Variants in SARS1 observed in about 807,000 individuals in gnomAD.
SARS1 encodes seryl-tRNA synthetase 1.
A neutral mutation model predicts 63.7 loss-of-function variants in SARS1; 25 were observed. The observed-to-expected ratio is 0.39, with a 90% CI of 0.29 to 0.55. The LOEUF (loss-of-function observed/expected upper bound fraction) is 0.55. Ranked by LOEUF, SARS1 falls within the 20% of genes least tolerant of loss-of-function variation. The pLI is 0.62. For synonymous variants in SARS1, 231 were observed against 243.5 expected (o/e 0.95, Z 0.48); for missense variants, 417 against 649.7 (o/e 0.64, Z 3.89).
Position 109,214,236 on chromosome 1 carries a change from C to T in SARS1, c.136+108C>T. The T allele has an allele frequency of 7.4e-7, 1 of 1,342,834 alleles. No homozygotes were observed. The highest frequency in any genetic ancestry group is 1.0e-6 in the Non-Finnish European group (1 of 988,890). 83.2% of individuals were successfully genotyped at this position (1,342,834 alleles called of 1,614,324 possible). A position where few individuals can be genotyped will look rare whatever the true frequency, so the allele number is the denominator to read the frequency against. ...CAGCTTCCACCCTTCGTCAGACCCC[C>T]TCCCAGGGTGCGGTGGCTCCGAGGT... On this transcript the variant is annotated intron_variant, in intron 1 of 10. Transcript: ENST00000234677. The surrounding 1 kb of genome is among the most constrained non-coding windows in gnomAD (Gnocchi z 4.6).
At chr1:109,216,790 T>C (rs1654799239) in intron 1 of SARS1, 1 of 473,508 alleles carries the variant, frequency 2.1e-6, no homozygotes, top group Non-Finnish European at 2.8e-6. Flanking sequence ...GCCTGGCTAA[T>C]GTGTGTATTT....
chr1:109,235,876 C>A lies in SARS1; in HGVS notation c.970-101C>A. 8.4e-7 allele frequency: 1 copy of A among 1,194,030 alleles called. No homozygotes were observed. The highest frequency in any genetic ancestry group is 1.2e-6 in the Non-Finnish European group (1 of 851,210). The allele number at this position is 1,194,030 out of a possible 1,614,324, so 74.0% of individuals were successfully genotyped here. ...TGGGGGCCCAGACTTGCCTGCCTCC[C>A]AGTGGTGTGGAAACAGGTCTTCATG... On this transcript the variant is annotated intron_variant, in intron 7 of 10. Transcript: ENST00000234677. The surrounding 1 kb of genome is among the most constrained non-coding windows in gnomAD (Gnocchi z 4.7).
chr1:109,234,516 A>C (rs1655271767), intron 6 of SARS1, among the ~76,000 whole-genome samples: 1 of 152,146 alleles, frequency 6.6e-6, no homozygotes, highest in South Asian at 2.1e-4. Context: ...CTAACCTGTA[A>C]GCACCAAGAA....
Position 109,229,547 on chromosome 1 carries a change from C to A in SARS1, c.422C>A (p.Pro141His), listed in dbSNP as rs1655161527. 5.6e-6 allele frequency: 9 copies of A among 1,613,206 alleles called. No individual in the cohort carries two copies. In the East Asian group the frequency reaches 2.0e-4, roughly 36 times the overall value. ...CGAGAGATTGGGAACCTTCTGCACC[C>A]TTCTGTACCCATCAGTAACGATGAG... ...NLREIGNLLHPSVPISNDEDV... is the reference protein window; with the variant it reads ...NLREIGNLLHHSVPISNDEDV... Residue 141 changes from proline to histidine, a missense_variant, in exon 4 of 11, where the codon CCT (proline) becomes CAT (histidine). Physicochemically the swap from Pro to His is moderately conservative, Grantham distance 77. Transcript: ENST00000234677.
Position 109,237,600 on chromosome 1 carries a change from A to AG in SARS1, c.1388-129dup. 1 of 1,156,896 alleles carries AG rather than the reference A, an allele frequency of 8.6e-7. No individual in the cohort carries two copies. Among genetic ancestry groups the AG allele is most frequent in the Non-Finnish European group, 1.2e-6 (1 of 813,282 alleles). 71.7% of individuals were successfully genotyped at this position (1,156,896 alleles called of 1,614,324 possible). On this transcript the variant is annotated intron_variant, in intron 10 of 10. Transcript: ENST00000234677. The surrounding 1 kb of genome is among the most constrained non-coding windows in gnomAD (Gnocchi z 4.1). ...TTCAGACTAGGGAAGAAAAGAATAAAGGAAACCAGTGCCTATCAAAGGGAC... is the reference window on the plus strand; with the variant it reads ...TTCAGACTAGGGAAGAAAAGAATAAAGGGAAACCAGTGCCTATCAAAGGGAC...
chr1:109,237,303 C>T lies in SARS1; in HGVS notation c.1317C>T (p.Ala439=), dbSNP rs748918048. The stretch of plus-strand genomic sequence containing the variant: ...GCGCCACTACCCGTACCATCTGCGC[C>T]ATCCTGGAGAACTACCAGACAGAGA... The part of the protein sequence containing the change: ...TMCATTRTIC[A]ILENYQTEKG... The change falls in exon 10 of 11, where the codon GCC becomes GCT. Residue 439 remains alanine, a synonymous_variant. Transcript: ENST00000234677. This position sits in a 1 kb window ranked among gnomAD's most constrained non-coding sequence, Gnocchi z 4.1. The T allele has an allele frequency of 1.2e-6, 2 of 1,614,114 alleles. No individual in the cohort carries two copies. Among genetic ancestry groups the T allele is most frequent in the Non-Finnish European group, 1.7e-6 (2 of 1,180,050 alleles).
In SARS1 at chr1:109,214,231, AC is replaced by A; in HGVS notation, c.136+108del. 7.4e-7 allele frequency: 1 copy of A among 1,358,084 alleles called. No homozygotes were observed. The highest frequency in any genetic ancestry group is 9.9e-7 in the Non-Finnish European group (1 of 1,005,360). The allele number at this position is 1,358,084 out of a possible 1,614,324, so 84.1% of individuals were successfully genotyped here. ...GGCCACAGCTTCCACCCTTCGTCAG[AC>A]CCCCTCCCAGGGTGCGGTGGCTCCG... On this transcript the variant is annotated intron_variant, in intron 1 of 10. Transcript: ENST00000234677. This position sits in a 1 kb window ranked among gnomAD's most constrained non-coding sequence, Gnocchi z 4.6.
chr1:109,216,468 A>G, intron 1 of SARS1: 1 of 985,324 alleles, frequency 1.0e-6, no homozygotes, highest in Non-Finnish European at 1.2e-6. Context: ...TAGCGTAATG[A>G]TCCTACACTT....
chr1:109,236,626 G>A (rs1655317678), intron 9 of SARS1, 78 bp downstream of exon 9: 1 of 1,535,260 alleles, frequency 6.5e-7, no homozygotes, highest in South Asian at 1.2e-5. Flanking sequence ...CCTTTGGGGT[G>A]CACTGGTCCC....
intron 1 of SARS1, among the ~76,000 whole-genome samples, chr1:109,219,412 C>G (rs1654874660): frequency 6.7e-6 from 1 of 150,088 alleles, no homozygotes; most frequent in African/African-American, 2.4e-5. Flanking sequence ...GCCCCTCCTC[C>G]AAAAATAATA....
intron 2 of SARS1, among the ~76,000 whole-genome samples, chr1:109,225,118 AAATT>A (rs1319824554): frequency 2.0e-5 from 3 of 152,088 alleles, no homozygotes; most frequent in Admixed American, 6.6e-5. Context: ...CAAAATAAAT[AAATT>A]AATTAATTAA....
chr1:109,229,839 C>G (rs1208774026), intron 4 of SARS1, among the ~76,000 whole-genome samples: 1 of 152,194 alleles, frequency 6.6e-6, no homozygotes, highest in Non-Finnish European at 1.5e-5. Context: ...CCCGTGGTAG[C>G]AGGCATCTCG....
At chr1:109,221,301 C>T (rs559803074) in intron 1 of SARS1, among the ~76,000 whole-genome samples, 20 of 152,160 alleles carry the variant, frequency 1.3e-4, no homozygotes, top group African/African-American at 4.3e-4. Flanking sequence ...TCTCATGATC[C>T]GCCCGCCTCG....
intron 3 of SARS1, 80 bp from the exon 4 acceptor site, chr1:109,229,333 AG>A: frequency 7.0e-7 from 1 of 1,432,394 alleles, no homozygotes; most frequent in African/African-American, 1.4e-5. Flanking sequence ...AGAGCACAAC[AG>A]GGTTAGGGCA....
intron 3 of SARS1, among the ~76,000 whole-genome samples, chr1:109,229,056 T>C (rs994209156): frequency 6.6e-6 from 1 of 152,216 alleles, no homozygotes; most frequent in Admixed American, 6.5e-5. Context: ...AGCACATCAA[T>C]GGAGTGCTAA....
chr1:109,229,716 T>G lies in SARS1; in HGVS notation c.447+144T>G, dbSNP rs910611419. ...ATTCCCTCTGCCCACCAATTGAGAA[T>G]TGCAGGAGTCAGATCCTTGTCTGAT... is the stretch of plus-strand genomic sequence containing the variant. On this transcript the variant is annotated intron_variant, in intron 4 of 10. Coordinates refer to ENST00000234677, the MANE Select transcript of SARS1 (RefSeq NM_006513.4). 2.2e-5 allele frequency: 18 copies of G among 813,540 alleles called. 1 individual carries two copies. The South Asian group carries it at 3.2e-4, about 15-fold the overall frequency. 50.4% of individuals were successfully genotyped at this position (813,540 alleles called of 1,614,324 possible). A position where few individuals can be genotyped will look rare whatever the true frequency, so the allele number is the denominator to read the frequency against.
chr1:109,223,557 C>T (rs1655003201), intron 1 of SARS1, among the ~76,000 whole-genome samples: 2 of 152,198 alleles, frequency 1.3e-5, no homozygotes, highest in South Asian at 4.1e-4. Flanking sequence ...CACAGTGGCT[C>T]ACGCCTGTAA....
intron 6 of SARS1, among the ~76,000 whole-genome samples, chr1:109,232,530 T>A (rs1570762208): frequency 6.6e-6 from 1 of 152,230 alleles, no homozygotes; most frequent in African/African-American, 2.4e-5. Context: ...GTTAGACAAC[T>A]GCTGTTGGAC....
Position 109,237,078 on chromosome 1 carries a change from T to A in SARS1, c.1258-166T>A. On this transcript the variant is annotated intron_variant, in intron 9 of 10. Coordinates refer to ENST00000234677, the MANE Select transcript of SARS1 (RefSeq NM_006513.4). This position sits in a 1 kb window ranked among gnomAD's most constrained non-coding sequence, Gnocchi z 4.1. ...CTGCAGTTATCTAATAGGCAATAAA[T>A]ACCAAATAATTCAAATTTAGAAAAA... 1 of 1,229,864 alleles carries A rather than the reference T, an allele frequency of 8.1e-7. No individual in the cohort carries two copies. Among genetic ancestry groups the A allele is most frequent in the East Asian group, 2.5e-5 (1 of 39,316 alleles). 76.2% of individuals were successfully genotyped at this position (1,229,864 alleles called of 1,614,324 possible).
Sources: allele counts gnomAD v4.1 joint callset (sites outside exome capture counted in the v4.1 genomes callset), GRCh38; gene constraint gnomAD v4.1.1; non-coding constraint Gnocchi (gnomAD v3.1); transcripts MANE v1.5; gene names NCBI Gene and HGNC (gene_info 2026-07-23, HGNC 2026-07-21).